The following PIK3C2G variants were observed in gnomAD, a reference collection of about 807,000 sequenced individuals.
PIK3C2G encodes the protein phosphatidylinositol-4-phosphate 3-kinase catalytic subunit type 2 gamma.
A neutral mutation model predicts 181.1 loss-of-function variants in PIK3C2G; 168 were observed. The ratio of observed to expected loss-of-function variants is 0.93; its 90% CI spans 0.82 to 1.05. The LOEUF is 1.05. PIK3C2G is among the 50% of genes least tolerant of loss of function. The probability of loss-of-function intolerance (pLI) is 0.00; values close to 1 mark genes in which losing one functional copy is unlikely to be tolerated. For missense variants in PIK3C2G, 1,869 were observed against 1,732.8 expected (o/e 1.08, Z -1.40); for synonymous variants, 573 against 592.2 (o/e 0.97, Z 0.47).
chr12:18,406,808 C>A (rs1475435051), intron 16 of PIK3C2G, among the ~76,000 whole-genome samples: 2 of 151,984 alleles, frequency 1.3e-5, no homozygotes, highest in Admixed American at 1.3e-4. Context: ...AGTGTGGATA[C>A]AGAAGAGAAA....
intron 11 of PIK3C2G, among the ~76,000 whole-genome samples, chr12:18,351,310 T>C (rs1048768435): frequency 3.3e-5 from 5 of 152,144 alleles, no homozygotes; most frequent in South Asian, 4.1e-4. Context: ...AAATAAGACA[T>C]AAAAGACTAA....
rs1949965891 is a variant in PIK3C2G, at chr12:18,296,952, T to C, written c.1034+2937T>C. Among the ~76,000 whole-genome samples, 7 of 152,192 alleles carry C rather than the reference T, an allele frequency of 4.6e-5. No homozygotes were observed. The South Asian group carries it at 1.0e-3, about 23-fold the overall frequency. ...AAAAATATTAAAATCTTTCATCATG[T>C]TCCTGTTCTTTAACTCCCGGTTTAA... On this transcript the variant is annotated intron_variant, in intron 5 of 32. Coordinates refer to ENST00000538779, the MANE Select transcript of PIK3C2G (RefSeq NM_001288772.2).
intron 11 of PIK3C2G, among the ~76,000 whole-genome samples, chr12:18,354,862 G>C (rs572911701): frequency 6.6e-6 from 1 of 152,272 alleles, no homozygotes. Flanking sequence ...GTGAGGGAGG[G>C]GAAGCAGGCA....
chr12:18,270,642 C>T (rs564658051), intron 1 of PIK3C2G, among the ~76,000 whole-genome samples: 238 of 152,150 alleles, frequency 1.6e-3, no homozygotes, highest in Non-Finnish European at 1.3e-3. Flanking sequence ...TAATTCTAGA[C>T]AACTTAAAAT....
intron 11 of PIK3C2G, among the ~76,000 whole-genome samples, chr12:18,353,766 C>G (rs1399398565): frequency 6.6e-6 from 1 of 152,136 alleles, no homozygotes; most frequent in East Asian, 1.9e-4. Context: ...TATGCCTCAC[C>G]AGAATCAGAA....
intron 18 of PIK3C2G, chr12:18,424,948 G>A (rs1294195694): frequency 4.9e-6 from 1 of 203,638 alleles, no homozygotes; most frequent in Non-Finnish European, 1.1e-5. Flanking sequence ...CGTTCAGGGT[G>A]TCTATAGTAT....
rs760911956 is a variant in PIK3C2G, at chr12:18,282,144, C to T, written c.63C>T (p.His21=). 1.1e-5 allele frequency: 17 copies of T among 1,609,680 alleles called. No individual in the cohort carries two copies. Among genetic ancestry groups the T allele is most frequent in the Non-Finnish European group, 1.4e-5 (16 of 1,177,544 alleles). Residue 21 remains histidine, a synonymous_variant, in exon 2 of 33, where the codon CAC becomes CAT. Coordinates refer to ENST00000538779, the MANE Select transcript of PIK3C2G (RefSeq NM_001288772.2). ...PNESHEKQYE[H]QEFLFVNQPH... is the part of the protein sequence containing the mutation. Reference sequence around the variant, plus strand: ...AATCACACGAAAAGCAGTATGAACACCAAGAATTTCTCTTTGTAAATCAAC... The same window carrying T: ...AATCACACGAAAAGCAGTATGAACATCAAGAATTTCTCTTTGTAAATCAAC...
intron 30 of PIK3C2G, among the ~76,000 whole-genome samples, chr12:18,604,141 C>T (rs1947885493): frequency 6.6e-6 from 1 of 152,160 alleles, no homozygotes; most frequent in South Asian, 2.1e-4. Context: ...CTGCTGCCTT[C>T]AGGAGACTCA....
At chr12:18,330,699 G>C (rs563602314) in intron 8 of PIK3C2G, among the ~76,000 whole-genome samples, 13 of 152,224 alleles carry the variant, frequency 8.5e-5, no homozygotes, top group Middle Eastern at 3.4e-3. Flanking sequence ...ATCAATGAGA[G>C]GCCAGGGATG....
At chr12:18,677,440 C>T in the PIK3C2G span, among the ~76,000 whole-genome samples, 1 of 152,066 alleles carries the variant, frequency 6.6e-6, no homozygotes, top group Admixed American at 6.6e-5. Flanking sequence ...ATCTGAATCA[C>T]ATAGAGGGCT....
chr12:18,654,846 C>G, the PIK3C2G span, among the ~76,000 whole-genome samples: 74,744 of 151,846 alleles, frequency 0.49, 19,423 homozygotes, highest in East Asian at 0.85. Context: ...GTGGGACATT[C>G]TCAAGATAAA....
At chr12:18,693,557 G>A in the PIK3C2G span, 1 of 1,606,960 alleles carries the variant, frequency 6.2e-7, no homozygotes, top group Non-Finnish European at 8.5e-7. Flanking sequence ...GAAGTACCTA[G>A]GTGATGGGCC....
chr12:18,591,045 G>A (rs1026735779), intron 29 of PIK3C2G, among the ~76,000 whole-genome samples: 1 of 151,900 alleles, frequency 6.6e-6, no homozygotes, highest in African/African-American at 2.4e-5. Flanking sequence ...TTGTCAAAAG[G>A]CCAAAGAAGG....
At chr12:18,266,321 A>C (rs1178598466) in intron 1 of PIK3C2G, among the ~76,000 whole-genome samples, 1 of 152,192 alleles carries the variant, frequency 6.6e-6, no homozygotes, top group African/African-American at 2.4e-5. Context: ...TGAACTTTTA[A>C]AAAAGCATTG....
At chr12:18,292,227 A>AAAAAAAAATATAT in intron 4 of PIK3C2G, among the ~76,000 whole-genome samples, 89 of 48,650 alleles carry the variant, frequency 1.8e-3, no homozygotes, top group South Asian at 2.7e-3. Flanking sequence ...AAAAAAAAAA[A>AAAAAAAAATATAT]ATATATATAT....
In PIK3C2G at chr12:18,391,250, A is replaced by G; in HGVS notation, c.2124A>G (p.Leu708=). 7 of 1,568,724 alleles carry G rather than the reference A, an allele frequency of 4.5e-6. No homozygotes were observed. Among genetic ancestry groups the G allele is most frequent in the South Asian group, 1.2e-5 (1 of 81,958 alleles). Residue 708 remains leucine (L), a splice_region_variant and synonymous_variant, in exon 15 of 33, where the codon CTA becomes CTG. Coordinates refer to ENST00000538779, the MANE Select transcript of PIK3C2G (RefSeq NM_001288772.2). ...IARLSQKQTP[L]LLSEEKKRYL... Reference sequence around the variant, plus strand: ...GACTTTCACAGAAACAGACTCCCCTACTGTAAGTGACCTAGGTCTTGTGAA... The same window carrying G: ...GACTTTCACAGAAACAGACTCCCCTGCTGTAAGTGACCTAGGTCTTGTGAA...
chr12:18,614,423 C>T (rs1948497733), intron 31 of PIK3C2G, among the ~76,000 whole-genome samples: 1 of 152,080 alleles, frequency 6.6e-6, no homozygotes, highest in African/African-American at 2.4e-5. Context: ...AGCTAACAAA[C>T]ACCTTTAACT....
chr12:18,553,366 T>C (rs1419014934), intron 26 of PIK3C2G, among the ~76,000 whole-genome samples: 1 of 152,118 alleles, frequency 6.6e-6, no homozygotes, highest in Non-Finnish European at 1.5e-5. Context: ...TATCACTTTA[T>C]TCATAGTAAG....
intron 5 of PIK3C2G, among the ~76,000 whole-genome samples, chr12:18,311,666 T>C (rs981320488): frequency 1.3e-5 from 2 of 152,142 alleles, no homozygotes; most frequent in South Asian, 4.1e-4. Context: ...ACATGAAATA[T>C]ATACTAAAAA....
Sources: allele counts gnomAD v4.1 joint callset (sites outside exome capture counted in the v4.1 genomes callset), GRCh38; gene constraint gnomAD v4.1.1; transcripts MANE v1.5; gene names NCBI Gene and HGNC (gene_info 2026-07-23, HGNC 2026-07-21).